The following SLC9A2 variants were observed in gnomAD, a reference collection of about 807,000 sequenced individuals.
SLC9A2 encodes sodium/hydrogen exchanger 2.
SLC9A2 carries 42 observed loss-of-function variants against 71.7 expected under a neutral mutation model. The ratio of observed to expected loss-of-function variants is 0.59; its 90% CI spans 0.46 to 0.76. SLC9A2 has a LOEUF of 0.76. Among genes scored for constraint, SLC9A2 ranks in the 30% least tolerant of loss-of-function variants. SLC9A2 has a pLI of 0.00. For synonymous variants in SLC9A2, 396 were observed against 392.5 expected (o/e 1.01, Z -0.10); for missense variants, 829 against 1,017.4 (o/e 0.81, Z 2.52).
chr2:102,620,550 C>G (rs998330198), intron 1 of SLC9A2, among the ~76,000 whole-genome samples: 1 of 152,100 alleles, frequency 6.6e-6, no homozygotes, highest in African/African-American at 2.4e-5. Context: ...AGGAGAGAGG[C>G]GCCTTGGCAG....
chr2:102,671,148 GT>G (rs1163438761), intron 3 of SLC9A2, among the ~76,000 whole-genome samples: 1 of 152,182 alleles, frequency 6.6e-6, no homozygotes, highest in African/African-American at 2.4e-5. Flanking sequence ...CAGGAAGAGA[GT>G]TTACAGAGAA....
At position 102,709,341 on chromosome 2, in the gene SLC9A2, G is replaced by A. The variant is rs1678056208; in HGVS notation, c.*852G>A. On this transcript the variant is annotated 3_prime_UTR_variant, in exon 12 of 12. Transcript: ENST00000233969. ...GTCCATGTGGCAAGTAGGGCCACAGGGCAGCACCTGGTTACAACTTGCTGG... is the reference window on the plus strand; with the variant it reads ...GTCCATGTGGCAAGTAGGGCCACAGAGCAGCACCTGGTTACAACTTGCTGG... 6.6e-6 allele frequency: 1 copy of A among 152,362 alleles called. No homozygotes were observed. The highest frequency in any genetic ancestry group is 2.4e-5 in the African/African-American group (1 of 41,442). 9.4% of individuals were successfully genotyped at this position (152,362 alleles called of 1,614,324 possible).
At chr2:102,683,534 G>T (rs1677494503) in intron 4 of SLC9A2, 56 bp downstream of exon 4, 5 of 1,358,022 alleles carry the variant, frequency 3.7e-6, no homozygotes, top group African/African-American at 1.4e-5. Flanking sequence ...ATTGAATGGG[G>T]CTTTCCTTTT....
At chr2:102,677,206 G>C (rs1677359842) in intron 3 of SLC9A2, among the ~76,000 whole-genome samples, 1 of 152,054 alleles carries the variant, frequency 6.6e-6, no homozygotes, top group Non-Finnish European at 1.5e-5. Flanking sequence ...AGAGGAAAAA[G>C]TATCTGTTAG....
chr2:102,697,182 G>C (rs1677783430), intron 7 of SLC9A2, among the ~76,000 whole-genome samples: 1 of 152,128 alleles, frequency 6.6e-6, no homozygotes, highest in Non-Finnish European at 1.5e-5. Flanking sequence ...AAGATATCTA[G>C]TGCTCCTCTG....
intron 2 of SLC9A2, among the ~76,000 whole-genome samples, chr2:102,661,404 G>A (rs997034343): frequency 2.6e-5 from 4 of 152,188 alleles, no homozygotes; most frequent in Non-Finnish European, 5.9e-5. Context: ...AAGATGGAGG[G>A]TAAGCAGTGA....
At chr2:102,676,121 C>A (rs1243609024) in intron 3 of SLC9A2, among the ~76,000 whole-genome samples, 2 of 152,226 alleles carry the variant, frequency 1.3e-5, no homozygotes, top group Non-Finnish European at 2.9e-5. Flanking sequence ...TCATGTAGAA[C>A]CACAAAGTAT....
chr2:102,693,146 A>G (rs1677695502), intron 5 of SLC9A2, among the ~76,000 whole-genome samples: 1 of 152,016 alleles, frequency 6.6e-6, no homozygotes, highest in Non-Finnish European at 1.5e-5. Context: ...AAAAATTAAC[A>G]TCTGGGATGG....
chr2:102,649,556 T>G (rs1050038070), intron 1 of SLC9A2, among the ~76,000 whole-genome samples: 9 of 152,044 alleles, frequency 5.9e-5, no homozygotes, highest in Admixed American at 1.3e-4. Flanking sequence ...GGGAGAAAAT[T>G]TTTGCAGTCT....
intron 1 of SLC9A2, among the ~76,000 whole-genome samples, chr2:102,626,664 A>C (rs1186028696): frequency 6.6e-6 from 1 of 152,226 alleles, no homozygotes; most frequent in African/African-American, 2.4e-5. Flanking sequence ...AATTTTTGCA[A>C]TCTGCTCATC....
At chr2:102,674,772 C>T (rs187066086) in intron 3 of SLC9A2, among the ~76,000 whole-genome samples, 17 of 152,268 alleles carry the variant, frequency 1.1e-4, no homozygotes, top group Admixed American at 1.1e-3. Flanking sequence ...TGGGATTTAG[C>T]CTTAGGGTGA....
intron 1 of SLC9A2, among the ~76,000 whole-genome samples, chr2:102,641,380 C>A (rs942741618): frequency 2.0e-5 from 3 of 151,918 alleles, no homozygotes; most frequent in African/African-American, 7.3e-5. Flanking sequence ...ATGACAGGTC[C>A]CAGAACACAT....
intron 5 of SLC9A2, among the ~76,000 whole-genome samples, chr2:102,691,089 G>C (rs928912061): frequency 6.6e-6 from 1 of 152,066 alleles, no homozygotes; most frequent in Admixed American, 6.6e-5. Context: ...CCAGGTGGGA[G>C]GAAAGCAGAG....
chr2:102,637,088 C>T (rs746984206), intron 1 of SLC9A2, among the ~76,000 whole-genome samples: 18 of 152,138 alleles, frequency 1.2e-4, no homozygotes, highest in Non-Finnish European at 2.2e-4. Flanking sequence ...GTGGAATCAC[C>T]GAAGATCCGT....
At chr2:102,703,354 C>T (rs1309497477) in intron 9 of SLC9A2, among the ~76,000 whole-genome samples, 1 of 152,192 alleles carries the variant, frequency 6.6e-6, no homozygotes, top group East Asian at 1.9e-4. Context: ...CATCTGCTCC[C>T]TGAAACACCC....
Position 102,704,672 on chromosome 2 carries a change from CAG to C in SLC9A2, c.1975_1976del (p.Arg659GlyfsTer13). 6.2e-7 allele frequency: 1 copy of C among 1,610,744 alleles called. No individual in the cohort carries two copies. Among genetic ancestry groups the C allele is most frequent in the Non-Finnish European group, 8.5e-7 (1 of 1,177,764 alleles). On this transcript the variant is annotated frameshift_variant and splice_region_variant, in exon 10 of 12. Coordinates refer to ENST00000233969, the MANE Select transcript of SLC9A2 (RefSeq NM_003048.6). LOFTEE classifies it high-confidence loss of function. ...RKDSSLNREHRASTSTSRYLS... is the reference protein window; with the variant it reads ...RKDSSLNREHXASTSTSRYLS... ...AGGACAGCAGCTTGAATCGAGAACA[CAG>C]GGTAACTGAGTGTGCGCCTCTAGGA...
At chr2:102,621,457 C>T (rs965353571) in intron 1 of SLC9A2, among the ~76,000 whole-genome samples, 19 of 151,944 alleles carry the variant, frequency 1.3e-4, no homozygotes, top group South Asian at 6.2e-4. Flanking sequence ...TACCCACGCC[C>T]CAGAAACTTT....
chr2:102,619,962 C>T lies in SLC9A2; in HGVS notation c.114C>T (p.Asn38=), dbSNP rs761010020. 2 of 1,612,458 alleles carry T rather than the reference C, an allele frequency of 1.2e-6. No homozygotes were observed. The highest frequency in any genetic ancestry group is 1.7e-5 in the Admixed American group (1 of 59,916). The change falls in exon 1 of 12, where the codon AAC becomes AAT. Residue 38 remains asparagine (N), a synonymous_variant. Coordinates refer to ENST00000233969, the MANE Select transcript of SLC9A2 (RefSeq NM_003048.6). The surrounding 1 kb of genome is among the most constrained non-coding windows in gnomAD (Gnocchi z 4.3). The part of the protein sequence containing the change: ...PVGALAETLL[N]APRAMGTSSS... Reference sequence around the variant, plus strand: ...GCGCCCTGGCGGAGACCTTGCTGAACGCGCCGAGGGCCATGGGCACCAGTT... The same window carrying T: ...GCGCCCTGGCGGAGACCTTGCTGAATGCGCCGAGGGCCATGGGCACCAGTT...
At chr2:102,701,755 G>T (rs1460596288) in intron 8 of SLC9A2, among the ~76,000 whole-genome samples, 1 of 152,112 alleles carries the variant, frequency 6.6e-6, no homozygotes, top group Non-Finnish European at 1.5e-5. Context: ...CTGTGAGAAG[G>T]ACATTATTTA....
Sources: gnomAD v4.1 joint callset for allele counts (sites outside exome capture counted in the v4.1 genomes callset) on GRCh38, gnomAD v4.1.1 for gene constraint, Gnocchi (gnomAD v3.1) non-coding constraint, MANE v1.5 for transcripts, NCBI Gene and HGNC (gene_info 2026-07-23, HGNC 2026-07-21) for gene names.